CST4: variants seen among roughly 807,000 people sequenced by gnomAD.
CST4 encodes the protein cystatin-S.
Under a neutral mutation model 11.2 loss-of-function variants are expected in CST4, and 17 were observed. That is an observed-to-expected ratio of 1.52 (90% confidence interval 1.04 to 2.27). The LOEUF is 2.27. Among genes scored for constraint, CST4 ranks in the 30% most tolerant of loss-of-function variants. The probability of loss-of-function intolerance (pLI) is 0.00; values close to 1 mark genes in which losing one functional copy is unlikely to be tolerated. For synonymous variants in CST4, 93 were observed against 70.1 expected, an observed-to-expected ratio of 1.33 and a Z score of -1.63; for missense variants, 251 against 180.2, an observed-to-expected ratio of 1.39 and a Z score of -2.25.
At chr20:23,686,942 A>C (rs936998061) in intron 2 of CST4, 146 bp downstream of exon 2, 1 of 732,744 alleles carries the variant, frequency 1.4e-6, no homozygotes. Context: ...CCATAAGTAC[A>C]TGAACACGTA....
At chr20:23,687,249 C>T (rs534545003) in intron 1 of CST4, 48 bp from the exon 2 acceptor site, 2 of 1,597,464 alleles carry the variant, frequency 1.3e-6, no homozygotes, top group Non-Finnish European at 1.7e-6. Flanking sequence ...CCCATCAGTT[C>T]ATGCACTCAC....
At chr20:23,688,363 T>A (rs578088019) in intron 1 of CST4, among the ~76,000 whole-genome samples, 10 of 152,268 alleles carry the variant, frequency 6.6e-5, no homozygotes, top group Admixed American at 2.0e-4. Context: ...CAGGTTCCCA[T>A]GTGGCCCCTG....
In CST4 at chr20:23,687,129, A is replaced by T; in HGVS notation, c.301T>A (p.Leu101Met). The change falls in exon 2 of 3, where the codon TTG (leucine) becomes ATG (methionine). Residue 101 changes from leucine (L) to methionine (M), a missense_variant. Leu to Met is a conservative substitution (Grantham distance 15, BLOSUM62 2). Transcript: ENST00000217423. ...RTICTKSQPN[L>M]DTCAFHEQPE... Reference sequence around the variant, plus strand: ...TGTTCATGGAAGGCACAGGTGTCCAAGTTGGGCTGGGACTTGGTACATATG... The same window carrying T: ...TGTTCATGGAAGGCACAGGTGTCCATGTTGGGCTGGGACTTGGTACATATG... 6.2e-7 allele frequency: 1 copy of T among 1,614,138 alleles called. No homozygotes were observed. The highest frequency in any genetic ancestry group is 8.5e-7 in the Non-Finnish European group (1 of 1,180,030).
intron 2 of CST4, among the ~76,000 whole-genome samples, chr20:23,686,675 G>C (rs1464577136): frequency 6.6e-6 from 1 of 152,064 alleles, no homozygotes; most frequent in Non-Finnish European, 1.5e-5. Flanking sequence ...TGACCTTCTA[G>C]TAACCATTCC....
chr20:23,688,604 C>T (rs566307605), intron 1 of CST4, 138 bp downstream of exon 1: 17 of 811,346 alleles, frequency 2.1e-5, no homozygotes, highest in South Asian at 1.2e-4. Context: ...AGGGCATCAG[C>T]GGAGAGTCAG....
At chr20:23,686,625 AT>A (rs1302142084) in intron 2 of CST4, among the ~76,000 whole-genome samples, 1 of 152,068 alleles carries the variant, frequency 6.6e-6, no homozygotes, top group African/African-American at 2.4e-5. Context: ...CCCGCAGGTG[AT>A]TCTTCCTGTC....
rs2405668 is a variant in CST4 at position 23,686,220 on chromosome 20, T to G, written c.343-243A>C. On this transcript the variant is annotated intron_variant, in intron 2 of 2. Transcript: ENST00000217423. ...CCCCAGCCTGCAGTGTCCTGTCCCA[T>G]CACAGCCCTGTGAGGAGCAGCCTGG... Among the ~76,000 whole-genome samples, 316 of 152,208 alleles carry G rather than the reference T, an allele frequency of 2.1e-3. 1 individual carries two copies. The highest frequency in any genetic ancestry group is 7.1e-3 in the African/African-American group (295 of 41,528).
rs376322004 is a variant in CST4, at chr20:23,687,194, C to G, written c.236G>C (p.Gly79Ala). Residue 79 changes from glycine to alanine, a missense_variant, in exon 2 of 3, where the codon GGG (glycine) becomes GCG (alanine). Transcript: ENST00000217423. ...TACGTCGAAGAAGTAATTCACCCCC[C>G]CAAAGGTCTGCACACAGGAGAAAAC... Reference protein sequence around the residue: ...QVLRAREQTFGGVNYFFDVEV... With the variant: ...QVLRAREQTFAGVNYFFDVEV... 374 of 1,614,000 alleles carry G rather than the reference C, an allele frequency of 2.3e-4. No homozygotes were observed. Among genetic ancestry groups the G allele is most frequent in the Non-Finnish European group, 2.8e-4 (335 of 1,180,022 alleles).
intron 2 of CST4, 122 bp from the exon 3 acceptor site, chr20:23,686,099 C>G: frequency 2.0e-6 from 2 of 1,004,836 alleles, no homozygotes; most frequent in East Asian, 2.5e-5. Flanking sequence ...CCCTCACCCA[C>G]CCCTGCTGAG....
In CST4 at chr20:23,687,208, A is replaced by G; in HGVS notation, c.229-7T>C. On this transcript the variant is annotated splice_polypyrimidine_tract_variant and splice_region_variant and intron_variant, in intron 1 of 2. Coordinates refer to ENST00000217423, the MANE Select transcript of CST4 (RefSeq NM_001899.3). ...AATTCACCCCCCCAAAGGTCTGCAC[A>G]CAGGAGAAAACAGGAAGCACGGACA... is the stretch of plus-strand genomic sequence containing the variant. The G allele has an allele frequency of 3.1e-6, 5 of 1,613,814 alleles. No homozygotes were observed. Among genetic ancestry groups the G allele is most frequent in the Non-Finnish European group, 4.2e-6 (5 of 1,180,002 alleles).
At chr20:23,688,676 G>A (rs1391405970) in intron 1 of CST4, 66 bp downstream of exon 1, 1 of 1,443,076 alleles carries the variant, frequency 6.9e-7, no homozygotes, top group Non-Finnish European at 9.7e-7. Context: ...TGCTTGGAAT[G>A]CTCTTGGGGG....
chr20:23,686,322 C>A (rs1981039997), intron 2 of CST4, among the ~76,000 whole-genome samples: 2 of 152,152 alleles, frequency 1.3e-5, no homozygotes, highest in South Asian at 4.1e-4. Context: ...ACCTCCAGCA[C>A]CCAGGCCAGC....
intron 1 of CST4, among the ~76,000 whole-genome samples, chr20:23,688,209 G>A (rs1480621875): frequency 6.6e-6 from 1 of 152,224 alleles, no homozygotes; most frequent in Non-Finnish European, 1.5e-5. Flanking sequence ...GCAGGGCCAG[G>A]CGTGCTCCAC....
chr20:23,687,175 G>C lies in CST4; in HGVS notation c.255C>G (p.Phe85Leu), dbSNP rs759771891. ...EQTFGGVNYF[F>L]DVEVGRTICT... Reference sequence around the variant, plus strand: ...ATATGGTGCGGCCCACCTCTACGTCGAAGAAGTAATTCACCCCCCCAAAGG... The same window carrying C: ...ATATGGTGCGGCCCACCTCTACGTCCAAGAAGTAATTCACCCCCCCAAAGG... Residue 85 changes from phenylalanine to leucine, a missense_variant, in exon 2 of 3, where the codon TTC becomes TTG. Coordinates refer to ENST00000217423, the MANE Select transcript of CST4 (RefSeq NM_001899.3). 2 of 1,614,042 alleles carry C rather than the reference G, an allele frequency of 1.2e-6. No homozygotes were observed. The highest frequency in any genetic ancestry group is 1.7e-6 in the Non-Finnish European group (2 of 1,180,018).
intron 2 of CST4, 27 bp downstream of exon 2, chr20:23,687,061 G>A (rs772234260): frequency 1.9e-6 from 3 of 1,613,970 alleles, no homozygotes; most frequent in Non-Finnish European, 2.5e-6. Context: ...GTGCATGACT[G>A]GCCCGGGACC....
In CST4 at chr20:23,685,850, G is replaced by A; in HGVS notation, c.*44C>T. 7.5e-6 allele frequency: 12 copies of A among 1,599,300 alleles called. No individual in the cohort carries two copies. Among genetic ancestry groups the A allele is most frequent in the Non-Finnish European group, 7.7e-6 (9 of 1,166,890 alleles). ...TCCAGGGGTGGGAGCACTACAGTGG[G>A]TGGGAGTGGGTGGTGGTCGGTGTGA... On this transcript the variant is annotated 3_prime_UTR_variant, in exon 3 of 3. Coordinates refer to ENST00000217423, the MANE Select transcript of CST4 (RefSeq NM_001899.3).
At position 23,688,850 on chromosome 20, in the gene CST4, A is replaced by T. The variant is rs1316522350; in HGVS notation, c.120T>A (p.Asn40Lys). The T allele has an allele frequency of 1.2e-6, 2 of 1,614,096 alleles. No homozygotes were observed. Among genetic ancestry groups the T allele is most frequent in the East Asian group, 4.5e-5 (2 of 44,856 alleles). The stretch of plus-strand genomic sequence containing the variant: ...GAAGGGCACGCTGTACCCACTCATC[A>T]TTGAGGTCTGCATCATAGATGCCAC... ...IPGGIYDADL[N>K]DEWVQRALHF... Residue 40 changes from asparagine (N) to lysine (K), a missense_variant, in exon 1 of 3, where the codon AAT becomes AAA. Asn to Lys is a moderately conservative substitution (Grantham distance 94). Transcript: ENST00000217423.
At chr20:23,686,768 A>G (rs560389151) in intron 2 of CST4, among the ~76,000 whole-genome samples, 1 of 151,764 alleles carries the variant, frequency 6.6e-6, no homozygotes. Flanking sequence ...AACTACGTAA[A>G]CTCACTTGGA....
At chr20:23,688,491 C>T (rs1157238720) in intron 1 of CST4, among the ~76,000 whole-genome samples, 1 of 152,238 alleles carries the variant, frequency 6.6e-6, no homozygotes, top group Non-Finnish European at 1.5e-5. Flanking sequence ...TGGGAAATGC[C>T]ACGGTCATGG....
Sources: gnomAD v4.1 joint callset for allele counts (sites outside exome capture counted in the v4.1 genomes callset) on GRCh38, gnomAD v4.1.1 for gene constraint, MANE v1.5 for transcripts, NCBI Gene and HGNC (gene_info 2026-07-23, HGNC 2026-07-21) for gene names.